The following ST3GAL1 variants were observed in gnomAD, a reference collection of about 807,000 sequenced individuals.
ST3GAL1 encodes the protein CMP-N-acetylneuraminate-beta-galactosamide-alpha-2,3-sialyltransferase 1.
ST3GAL1 carries 16 observed loss-of-function variants against 34.1 expected under a neutral mutation model. The observed-to-expected ratio is 0.47, with a 90% confidence interval of 0.32 to 0.71. ST3GAL1 has a LOEUF of 0.71. Ranked by LOEUF, ST3GAL1 falls within the 30% of genes least tolerant of loss-of-function variation. The probability of loss-of-function intolerance (pLI) is 0.04; values close to 1 mark genes in which losing one functional copy is unlikely to be tolerated. For synonymous variants in ST3GAL1, 191 were observed against 184.7 expected (o/e 1.03, Z -0.28); for missense variants, 353 against 447.4 (o/e 0.79, Z 1.90).
At chr8:133,553,920 G>T (rs760508132) in intron 1 of ST3GAL1, among the ~76,000 whole-genome samples, 1 of 152,168 alleles carries the variant, frequency 6.6e-6, no homozygotes, top group African/African-American at 2.4e-5. Context: ...AGGATCCAGT[G>T]AGCAGGGTGC....
chr8:133,472,353 A>T (rs1236579333), intron 5 of ST3GAL1, among the ~76,000 whole-genome samples: 1 of 151,834 alleles, frequency 6.6e-6, no homozygotes, highest in Non-Finnish European at 1.5e-5. Flanking sequence ...GATTCTTCCA[A>T]CCCCCTCAAC....
chr8:133,546,688 A>G (rs1818681790), intron 1 of ST3GAL1, among the ~76,000 whole-genome samples: 2 of 152,266 alleles, frequency 1.3e-5, no homozygotes, highest in South Asian at 4.2e-4. Flanking sequence ...CTGAGGCCAG[A>G]TAGGAAAGGG....
intron 2 of ST3GAL1, among the ~76,000 whole-genome samples, chr8:133,518,699 G>A (rs1259366816): frequency 6.6e-6 from 1 of 152,164 alleles, no homozygotes; most frequent in Non-Finnish European, 1.5e-5. Context: ...GGACTGCAAG[G>A]ACTCTAAAAC....
chr8:133,461,865 G>A lies in ST3GAL1; in HGVS notation c.849+10C>T. On this transcript the variant is annotated intron_variant, in intron 9 of 9. Transcript: ENST00000522652. This position sits in a 1 kb window ranked among gnomAD's most constrained non-coding sequence, Gnocchi z 4.7. ...GAGGCAGCCCTGTGGGCAGGGGGAG[G>A]GTGGCATACCTCATCGCAGACATGC... The A allele has an allele frequency of 3.7e-6, 6 of 1,613,934 alleles. No individual in the cohort carries two copies. Among genetic ancestry groups the A allele is most frequent in the Non-Finnish European group, 5.1e-6 (6 of 1,179,910 alleles).
chr8:133,502,961 G>A (rs997462719), intron 2 of ST3GAL1, among the ~76,000 whole-genome samples: 3 of 152,226 alleles, frequency 2.0e-5, no homozygotes, highest in Non-Finnish European at 1.5e-5. Flanking sequence ...GTTCTGGTAT[G>A]TGCCATCTCT....
chr8:133,559,657 A>T (rs574409896), intron 1 of ST3GAL1, among the ~76,000 whole-genome samples: 2 of 152,314 alleles, frequency 1.3e-5, no homozygotes, highest in South Asian at 2.1e-4. Flanking sequence ...TTCAAGTAAG[A>T]AGAAGAACAA....
intron 1 of ST3GAL1, among the ~76,000 whole-genome samples, chr8:133,559,035 TTG>T (rs34571050): frequency 0.085 from 12,601 of 149,102 alleles, 590 homozygotes; most frequent in African/African-American, 0.12. Flanking sequence ...GAGTGTGGTT[TTG>T]TGTGTGTGTG....
In ST3GAL1 at chr8:133,457,125, C is replaced by T. The variant is rs142554366; in HGVS notation, c.*2639G>A. 2 of 152,398 alleles carry T rather than the reference C, an allele frequency of 1.3e-5. No individual in the cohort carries two copies. Among genetic ancestry groups the T allele is most frequent in the East Asian group, 1.9e-4 (1 of 5,190 alleles). 9.4% of individuals were successfully genotyped at this position (152,398 alleles called of 1,614,324 possible). On this transcript the variant is annotated 3_prime_UTR_variant, in exon 10 of 10. Transcript: ENST00000522652. ...TGCCTGTCACGCTCCACTCCCCACC[C>T]AGCTGCAATGTGGCCTTGATTTTCT...
chr8:133,482,472 A>G (rs1816431854), intron 3 of ST3GAL1, among the ~76,000 whole-genome samples: 1 of 152,284 alleles, frequency 6.6e-6, no homozygotes, highest in East Asian at 1.9e-4. Flanking sequence ...TGGTGGGAGG[A>G]AGAGGCAGAT....
Position 133,562,054 on chromosome 8 carries a change from C to T in ST3GAL1, c.-582+9639G>A, listed in dbSNP as rs184668907. On this transcript the variant is annotated intron_variant, in intron 1 of 9. Coordinates refer to ENST00000522652, the MANE Select transcript of ST3GAL1 (RefSeq NM_173344.3). ...CAAGATCATATACTGCACTCCAGCC[C>T]AGGCAACAGAGCAAGACCCTGTCTC... is the stretch of plus-strand genomic sequence containing the variant. Among the ~76,000 whole-genome samples the T allele has an allele frequency of 6.5e-3, 989 of 151,912 alleles. 5 individuals are homozygous for T. The highest frequency in any genetic ancestry group is 0.011 in the Non-Finnish European group (780 of 67,964).
At chr8:133,473,945 G>C (rs1181553801) in intron 5 of ST3GAL1, among the ~76,000 whole-genome samples, 1 of 152,098 alleles carries the variant, frequency 6.6e-6, no homozygotes, top group Admixed American at 6.5e-5. Context: ...TTGGATCTTT[G>C]AAAGGGAAAA....
intron 3 of ST3GAL1, among the ~76,000 whole-genome samples, chr8:133,489,963 G>A (rs1191732993): frequency 1.3e-5 from 2 of 152,144 alleles, no homozygotes; most frequent in African/African-American, 2.4e-5. Context: ...CCTCTGGTCT[G>A]CCCCTCCTTC....
In ST3GAL1 at chr8:133,540,858, T is replaced by TATATATAGAGACATATATATAGAGAC. The variant is rs1818464834; in HGVS notation, c.-429+4890_-429+4915dup. On this transcript the variant is annotated intron_variant, in intron 2 of 9. Transcript: ENST00000522652. Reference sequence around the variant, plus strand: ...ATAGAGAGACATATATATAGAGACATATATATAGAGACATATATATAGAGA... The same window carrying TATATATAGAGACATATATATAGAGAC: ...ATAGAGAGACATATATATAGAGACATATATATAGAGACATATATATAGAGACATATATAGAGACATATATATAGAGA... Among the ~76,000 whole-genome samples, 12 of 114,410 alleles carry TATATATAGAGACATATATATAGAGAC rather than the reference T, an allele frequency of 1.0e-4. 2 individuals carry two copies. The highest frequency in any genetic ancestry group is 4.1e-4 in the African/African-American group (12 of 29,040). 75.1% of individuals were successfully genotyped at this position (114,410 alleles called of 152,430 possible).
intron 1 of ST3GAL1, among the ~76,000 whole-genome samples, chr8:133,568,467 A>G (rs781409164): frequency 2.0e-5 from 3 of 152,196 alleles, no homozygotes; most frequent in Non-Finnish European, 4.4e-5. Context: ...TTATTCTAGA[A>G]TTCTTTGTGA....
intron 1 of ST3GAL1, among the ~76,000 whole-genome samples, chr8:133,549,687 G>C (rs1013175158): frequency 2.6e-5 from 4 of 152,172 alleles, no homozygotes; most frequent in African/African-American, 7.2e-5. Context: ...AACTCGCCAG[G>C]CGTGGTGGCT....
In ST3GAL1 at chr8:133,567,016, GATT is replaced by G. The variant is rs1353084118; in HGVS notation, c.-582+4674_-582+4676del. On this transcript the variant is annotated intron_variant, in intron 1 of 9. Coordinates refer to ENST00000522652, the MANE Select transcript of ST3GAL1 (RefSeq NM_173344.3). ...ATCTTTTATTTTACTTTATTATTAT[GATT>G]ATTATTATTTTGCACACACAGGGCA... The G allele has an allele frequency of 4.6e-5, 7 of 152,288 alleles. No individual in the cohort carries two copies. The East Asian group carries it at 1.2e-3, about 25-fold the overall frequency. 9.4% of individuals were successfully genotyped at this position (152,288 alleles called of 1,614,324 possible).
At position 133,459,359 on chromosome 8, in the gene ST3GAL1, A is replaced by T. The variant is rs1465125322; in HGVS notation, c.*405T>A. ...ACCGCCTGGCACGTCTCTGTGCTGG[A>T]GGTAATCGCCACTCAAGTCTCTGCC... On this transcript the variant is annotated 3_prime_UTR_variant, in exon 10 of 10. Transcript: ENST00000522652. The surrounding 1 kb of genome is among the most constrained non-coding windows in gnomAD (Gnocchi z 4.7). 1 of 160,974 alleles carries T rather than the reference A, an allele frequency of 6.2e-6. No individual in the cohort carries two copies. The highest frequency in any genetic ancestry group is 1.3e-5 in the Non-Finnish European group (1 of 74,238). 10.0% of individuals were successfully genotyped at this position (160,974 alleles called of 1,614,324 possible).
rs1240944643 is a variant in ST3GAL1, at chr8:133,466,978, C to T, written c.307-888G>A. Reference sequence around the variant, plus strand: ...GGCATGGTGGTGCCCACCTGTAGTCCCAGCTACTTGGGAGGCTGAAGTGGG... The same window carrying T: ...GGCATGGTGGTGCCCACCTGTAGTCTCAGCTACTTGGGAGGCTGAAGTGGG... On this transcript the variant is annotated intron_variant, in intron 5 of 9. Coordinates refer to ENST00000522652, the MANE Select transcript of ST3GAL1 (RefSeq NM_173344.3). This position sits in a 1 kb window ranked among gnomAD's most constrained non-coding sequence, Gnocchi z 4.4. Among the ~76,000 whole-genome samples, 1 of 151,970 alleles carries T rather than the reference C, an allele frequency of 6.6e-6. No homozygotes were observed. The highest frequency in any genetic ancestry group is 1.5e-5 in the Non-Finnish European group (1 of 68,004).
intron 2 of ST3GAL1, among the ~76,000 whole-genome samples, chr8:133,529,701 G>A (rs1268751572): frequency 6.6e-6 from 1 of 152,140 alleles, no homozygotes; most frequent in Non-Finnish European, 1.5e-5. Flanking sequence ...CTCTGGTCTG[G>A]CCACCCCCTT....
Sources: allele counts gnomAD v4.1 joint callset (sites outside exome capture counted in the v4.1 genomes callset), GRCh38; gene constraint gnomAD v4.1.1; non-coding constraint Gnocchi (gnomAD v3.1); transcripts MANE v1.5; gene names NCBI Gene and HGNC (gene_info 2026-07-23, HGNC 2026-07-21).